The following TENM4 variants were observed in gnomAD, a reference collection of about 807,000 sequenced individuals.
TENM4 encodes teneurin transmembrane protein 4, also known as teneurin-4.
A neutral mutation model predicts 243.3 loss-of-function variants in TENM4; 82 were observed. The ratio of observed to expected loss-of-function variants is 0.34; its 90% CI spans 0.28 to 0.40. The LOEUF (loss-of-function observed/expected upper bound fraction) is 0.40, where lower values mean the gene tolerates loss of function less well. TENM4 is among the 10% of genes least tolerant of loss of function. The pLI, the probability that TENM4 is intolerant of heterozygous loss-of-function variation, is 1.00. For synonymous variants in TENM4, 1,412 were observed against 1,456.3 expected (o/e 0.97, Z 0.69); for missense variants, 3,138 against 3,673.3 (o/e 0.85, Z 3.77).
intron 1 of TENM4, among the ~76,000 whole-genome samples, chr11:79,315,325 C>T (rs1856785471): frequency 6.6e-6 from 1 of 152,164 alleles, no homozygotes; most frequent in East Asian, 1.9e-4. Flanking sequence ...CCCAGAGGTT[C>T]ACCGCTCAAG....
intron 2 of TENM4, among the ~76,000 whole-genome samples, chr11:79,242,545 C>T (rs1385744526): frequency 6.6e-6 from 1 of 152,178 alleles, no homozygotes; most frequent in Non-Finnish European, 1.5e-5. Flanking sequence ...TGTGATTTTA[C>T]ATCTTGCAAA....
intron 10 of TENM4, 116 bp downstream of exon 10, chr11:78,862,846 G>A: frequency 9.3e-7 from 1 of 1,079,878 alleles, no homozygotes; most frequent in Non-Finnish European, 1.2e-6. Context: ...AGGATGGAGG[G>A]AGCGCCAGAG....
intron 6 of TENM4, among the ~76,000 whole-genome samples, chr11:78,984,052 C>T (rs188114220): frequency 0.011 from 1,711 of 152,226 alleles, 18 homozygotes; most frequent in Non-Finnish European, 0.019. Context: ...CTGGGCTCTT[C>T]GGACTCTGGC....
At chr11:79,072,484 C>A (rs1224359695) in intron 4 of TENM4, among the ~76,000 whole-genome samples, 1 of 148,134 alleles carries the variant, frequency 6.8e-6, no homozygotes, top group Admixed American at 6.7e-5. Flanking sequence ...GACCCTGTCT[C>A]AAAAAAAAAA....
At chr11:79,106,392 T>C (rs1488889193) in intron 4 of TENM4, among the ~76,000 whole-genome samples, 1 of 152,246 alleles carries the variant, frequency 6.6e-6, no homozygotes, top group African/African-American at 2.4e-5. Context: ...GGGGTCCTTG[T>C]GTTCCCCCTA....
intron 24 of TENM4, 127 bp downstream of exon 24, chr11:78,722,540 TC>T (rs1391318317): frequency 1.2e-5 from 16 of 1,309,660 alleles, no homozygotes; most frequent in Admixed American, 2.2e-5. Flanking sequence ...AGGTGAAAAG[TC>T]TCAGAGCCTG....
rs1312282387 is a variant in TENM4, at chr11:78,950,671, T to C, written c.494-47148A>G. ...ATTTCCATTTATTAAGACTGTACGATAACTGGGCACTTTGCTAAGTACTTC... is the reference window on the plus strand; with the variant it reads ...ATTTCCATTTATTAAGACTGTACGACAACTGGGCACTTTGCTAAGTACTTC... On this transcript the variant is annotated intron_variant, in intron 6 of 33. Transcript: ENST00000278550. Among the ~76,000 whole-genome samples, 5 of 152,342 alleles carry C rather than the reference T, an allele frequency of 3.3e-5. No homozygotes were observed. In the East Asian group the frequency reaches 9.6e-4, roughly 29 times the overall value.
intron 12 of TENM4, among the ~76,000 whole-genome samples, chr11:78,840,401 C>T (rs1025140152): frequency 6.6e-6 from 1 of 152,070 alleles, no homozygotes; most frequent in East Asian, 1.9e-4. Flanking sequence ...TTCTTTTAGC[C>T]GAGAACATGA....
At chr11:78,929,545 C>A (rs1856625816) in intron 6 of TENM4, among the ~76,000 whole-genome samples, 1 of 152,104 alleles carries the variant, frequency 6.6e-6, no homozygotes, top group African/African-American at 2.4e-5. Flanking sequence ...TTAAATGGTT[C>A]TTGGGGACTA....
chr11:79,427,329 C>A (rs1859073975), intron 1 of TENM4, among the ~76,000 whole-genome samples: 1 of 152,120 alleles, frequency 6.6e-6, no homozygotes, highest in African/African-American at 2.4e-5. Flanking sequence ...ATGTTGATCT[C>A]AGCATTATTT....
At chr11:78,875,009 A>G (rs961791197) in intron 9 of TENM4, among the ~76,000 whole-genome samples, 5 of 152,218 alleles carry the variant, frequency 3.3e-5, no homozygotes, top group African/African-American at 1.2e-4. Context: ...AGAACAGCAG[A>G]ATCAGATACT....
At chr11:79,015,715 C>T (rs562362278) in intron 6 of TENM4, among the ~76,000 whole-genome samples, 9 of 152,232 alleles carry the variant, frequency 5.9e-5, no homozygotes, top group East Asian at 1.9e-4. Flanking sequence ...GCTGGAGGTA[C>T]CACAATGCAT....
Position 79,054,311 on chromosome 11 carries a change from ATCT to A in TENM4, c.493+10424_493+10426del, listed in dbSNP as rs1196620243. Among the ~76,000 whole-genome samples, 4 of 152,162 alleles carry A rather than the reference ATCT, an allele frequency of 2.6e-5. No individual in the cohort carries two copies. The South Asian group carries it at 8.3e-4, about 32-fold the overall frequency. ...GATTAAGCCTCTGATCCCGGAGTCA[ATCT>A]TCTTTCAGCTGAATCATGAGCCCCT... On this transcript the variant is annotated intron_variant, in intron 6 of 33. Transcript: ENST00000278550.
chr11:79,074,954 A>T (rs1860502489), intron 4 of TENM4, among the ~76,000 whole-genome samples: 1 of 152,078 alleles, frequency 6.6e-6, no homozygotes, highest in South Asian at 2.1e-4. Flanking sequence ...TGGCTCTCAG[A>T]CCCTGCTGCA....
At chr11:79,191,940 G>C (rs982887043) in intron 3 of TENM4, 10 of 162,768 alleles carry the variant, frequency 6.1e-5, no homozygotes, top group African/African-American at 2.4e-4. Context: ...CCATCCAGGA[G>C]GGAGGTGGGG....
Position 78,657,750 on chromosome 11 carries a change from A to G in TENM4, c.*308T>C. 2.1e-6 allele frequency: 1 copy of G among 474,268 alleles called. No homozygotes were observed. Among genetic ancestry groups the G allele is most frequent in the Non-Finnish European group, 3.8e-6 (1 of 260,526 alleles). 29.4% of individuals were successfully genotyped at this position (474,268 alleles called of 1,614,324 possible). On this transcript the variant is annotated 3_prime_UTR_variant, in exon 34 of 34. Transcript: ENST00000278550. ...GGACACACCCCAGGAGATGCATCTC[A>G]GAGAGGAGATACATACCCCAAACGA...
chr11:79,223,961 G>A (rs1192626250), intron 2 of TENM4, among the ~76,000 whole-genome samples: 1 of 152,202 alleles, frequency 6.6e-6, no homozygotes, highest in Non-Finnish European at 1.5e-5. Context: ...TGTGAGTTGT[G>A]AGCAGAAGTG....
At chr11:78,993,778 CTTGAACAGATTTATAGTA>C (rs1858101950) in intron 6 of TENM4, among the ~76,000 whole-genome samples, 1 of 152,054 alleles carries the variant, frequency 6.6e-6, no homozygotes, top group Non-Finnish European at 1.5e-5. Context: ...TCTCTAATTC[CTTGAACAGATTTATAGTA>C]TCTATTTTCA....
intron 6 of TENM4, among the ~76,000 whole-genome samples, chr11:78,907,709 A>G (rs576902723): frequency 6.8e-4 from 104 of 152,278 alleles, no homozygotes; most frequent in South Asian, 1.5e-3. Context: ...GGCCCTCAGT[A>G]AATATTTACA....
Sources: allele counts gnomAD v4.1 joint callset (sites outside exome capture counted in the v4.1 genomes callset), GRCh38; gene constraint gnomAD v4.1.1; transcripts MANE v1.5; gene names NCBI Gene and HGNC (gene_info 2026-07-23, HGNC 2026-07-21).